The following DLC1 variants were observed in gnomAD, a reference collection of about 807,000 sequenced individuals.
DLC1 encodes the protein rho GTPase-activating protein 7.
A neutral mutation model predicts 140.3 loss-of-function variants in DLC1; 54 were observed. That is an observed-to-expected ratio of 0.38 (90% confidence interval 0.31 to 0.48). DLC1 has a LOEUF of 0.48. Among genes scored for constraint, DLC1 ranks in the 20% least tolerant of loss-of-function variants. The probability of loss-of-function intolerance (pLI) is 0.96; values close to 1 mark genes in which losing one functional copy is unlikely to be tolerated. For missense variants in DLC1, 2,536 were observed against 1,907.0 expected, an observed-to-expected ratio of 1.33 and a Z score of -6.14; for synonymous variants, 986 against 728.1, an observed-to-expected ratio of 1.35 and a Z score of -5.70.
At chr8:13,229,909 A>T (rs773973631) in intron 5 of DLC1, among the ~76,000 whole-genome samples, 2 of 152,252 alleles carry the variant, frequency 1.3e-5, no homozygotes, top group Admixed American at 1.3e-4. Context: ...ATTTAGTCCC[A>T]TGTGGACCAA....
At chr8:13,116,253 C>G in intron 5 of DLC1, 2 of 984,752 alleles carry the variant, frequency 2.0e-6, no homozygotes, top group Non-Finnish European at 2.4e-6. Flanking sequence ...GTAAATCCCA[C>G]AATCTTGGCA....
At chr8:13,547,143 G>A (rs1230588943) in intron 1 of DLC1, among the ~76,000 whole-genome samples, 3 of 151,966 alleles carry the variant, frequency 2.0e-5, no homozygotes, top group African/African-American at 7.2e-5. Flanking sequence ...GAATTATCTT[G>A]TATGAAGAAC....
At chr8:13,436,909 G>C (rs953889159) in intron 2 of DLC1, among the ~76,000 whole-genome samples, 1 of 151,992 alleles carries the variant, frequency 6.6e-6, no homozygotes, top group Non-Finnish European at 1.5e-5. Flanking sequence ...TCTTCTCTCT[G>C]GGACTCCATC....
intron 4 of DLC1, among the ~76,000 whole-genome samples, chr8:13,357,957 TA>T (rs1433096807): frequency 6.6e-6 from 1 of 152,212 alleles, no homozygotes; most frequent in Non-Finnish European, 1.5e-5. Flanking sequence ...TGCCTGTATA[TA>T]TGTATATACA....
intron 2 of DLC1, among the ~76,000 whole-genome samples, chr8:13,410,362 A>T (rs1837732204): frequency 6.6e-6 from 1 of 152,052 alleles, no homozygotes; most frequent in Non-Finnish European, 1.5e-5. Flanking sequence ...TCAACATTAC[A>T]CTTGAGGTTC....
intron 5 of DLC1, chr8:13,133,270 T>A: frequency 3.0e-6 from 4 of 1,326,210 alleles, no homozygotes; most frequent in Non-Finnish European, 3.8e-6. Context: ...GCGCCCTCGC[T>A]CGGGCAGTCG....
At chr8:13,292,276 C>G (rs78616300) in intron 5 of DLC1, among the ~76,000 whole-genome samples, 7,888 of 152,222 alleles carry the variant, frequency 0.052, 273 homozygotes, top group South Asian at 0.087. Flanking sequence ...CCAGGCCACT[C>G]CCTACATGTG....
chr8:13,557,924 T>C (rs1804105854), intron 1 of DLC1: 1 of 152,182 alleles, frequency 6.6e-6, no homozygotes, highest in Non-Finnish European at 1.5e-5. Context: ...AGATGATCTT[T>C]GTCTAAAGAA....
At chr8:13,097,412 T>C (rs576050787) in intron 10 of DLC1, among the ~76,000 whole-genome samples, 4 of 152,062 alleles carry the variant, frequency 2.6e-5, no homozygotes, top group African/African-American at 7.2e-5. Context: ...TACAGGTGCA[T>C]GCCACCACAC....
chr8:13,099,437 G>T lies in DLC1; in HGVS notation c.2900C>A (p.Thr967Lys). ...DRTTPSDLDSTGNSLNEPEEP... is the reference protein window; with the variant it reads ...DRTTPSDLDSKGNSLNEPEEP... The stretch of plus-strand genomic sequence containing the variant: ...TTCCGGTTCATTCAGGGAGTTGCCT[G>T]TGCTGTCCAGGTCGCTGGGTGTGGT... The change falls in exon 9 of 18, where the codon ACA (threonine) becomes AAA (lysine). Residue 967 changes from threonine (T) to lysine (K), a missense_variant. By Grantham distance (78) the Thr-to-Lys change is moderately conservative. Coordinates refer to ENST00000276297, the MANE Select transcript of DLC1 (RefSeq NM_182643.3). The T allele has an allele frequency of 6.2e-7, 1 of 1,614,148 alleles. No individual in the cohort carries two copies. The highest frequency in any genetic ancestry group is 8.5e-7 in the Non-Finnish European group (1 of 1,180,024).
intron 5 of DLC1, among the ~76,000 whole-genome samples, chr8:13,212,219 G>T (rs1460286194): frequency 6.6e-6 from 1 of 152,128 alleles, no homozygotes; most frequent in South Asian, 2.1e-4. Context: ...AAAAATATCA[G>T]GATGACCAAC....
At chr8:13,585,844 C>T (rs1261749337) in intron 1 of DLC1, among the ~76,000 whole-genome samples, 2 of 152,152 alleles carry the variant, frequency 1.3e-5, no homozygotes, top group Non-Finnish European at 2.9e-5. Flanking sequence ...ACTTGATTAC[C>T]ATTGTAAACA....
At chr8:13,107,555 A>C (rs2128943831) in intron 7 of DLC1, among the ~76,000 whole-genome samples, 1 of 152,358 alleles carries the variant, frequency 6.6e-6, no homozygotes, top group South Asian at 2.1e-4. Context: ...AAAGTCTGTC[A>C]GTCTAGAGAG....
intron 2 of DLC1, among the ~76,000 whole-genome samples, chr8:13,456,890 A>G (rs1268809101): frequency 6.6e-6 from 1 of 152,232 alleles, no homozygotes; most frequent in Non-Finnish European, 1.5e-5. Context: ...GTGCAGCTGT[A>G]TATCAAGCTG....
chr8:13,165,856 A>G (rs142111712), intron 5 of DLC1, among the ~76,000 whole-genome samples: 2 of 152,186 alleles, frequency 1.3e-5, no homozygotes, highest in East Asian at 1.9e-4. Flanking sequence ...AGACCCATAT[A>G]TTGGCTCTCT....
chr8:13,350,061 A>C (rs1834564683), intron 4 of DLC1, among the ~76,000 whole-genome samples: 1 of 152,190 alleles, frequency 6.6e-6, no homozygotes, highest in Non-Finnish European at 1.5e-5. Context: ...GAGTCTGAAG[A>C]ATTTTAGTGA....
chr8:13,537,836 C>G (rs2898363), intron 1 of DLC1, among the ~76,000 whole-genome samples: 8,943 of 151,696 alleles, frequency 0.059, 661 homozygotes, highest in East Asian at 0.35. Flanking sequence ...TGTATTTTTA[C>G]TGGAGACAGG....
chr8:13,258,219 C>T (rs1830333967), intron 5 of DLC1, among the ~76,000 whole-genome samples: 1 of 152,160 alleles, frequency 6.6e-6, no homozygotes, highest in Non-Finnish European at 1.5e-5. Context: ...TTCAAATACC[C>T]CCTCCTTCAC....
intron 4 of DLC1, among the ~76,000 whole-genome samples, chr8:13,383,898 C>T (rs1836387671): frequency 6.6e-6 from 1 of 152,164 alleles, no homozygotes; most frequent in Admixed American, 6.5e-5. Flanking sequence ...CTGACTGCAG[C>T]CTCACGAAAG....
Sources: gnomAD v4.1 joint callset for allele counts (sites outside exome capture counted in the v4.1 genomes callset) on GRCh38, gnomAD v4.1.1 for gene constraint, MANE v1.5 for transcripts, NCBI Gene and HGNC (gene_info 2026-07-23, HGNC 2026-07-21) for gene names.